The following ADGRL3 variants were observed in gnomAD, a reference collection of about 807,000 sequenced individuals.
The protein encoded by ADGRL3 is adhesion G protein-coupled receptor L3.
Under a neutral mutation model 153.5 loss-of-function variants are expected in ADGRL3, and 62 were observed. The ratio of observed to expected loss-of-function variants is 0.40; its 90% CI spans 0.33 to 0.50. The LOEUF (loss-of-function observed/expected upper bound fraction) is 0.50, where lower values mean the gene tolerates loss of function less well. Among genes scored for constraint, ADGRL3 ranks in the 20% least tolerant of loss-of-function variants. The pLI, the probability that ADGRL3 is intolerant of heterozygous loss-of-function variation, is 0.47. For synonymous variants in ADGRL3, 710 were observed against 672.5 expected, an observed-to-expected ratio of 1.06 and a Z score of -0.86; for missense variants, 1,641 against 1,859.4, an observed-to-expected ratio of 0.88 and a Z score of 2.16.
chr4:61,715,444 T>G (rs2096088504), intron 6 of ADGRL3, among the ~76,000 whole-genome samples: 1 of 152,208 alleles, frequency 6.6e-6, no homozygotes, highest in African/African-American at 2.4e-5. Context: ...GAATCATATT[T>G]AATTCCAAAA....
chr4:61,367,416 T>C (rs1341974372), intron 1 of ADGRL3, among the ~76,000 whole-genome samples: 1 of 143,096 alleles, frequency 7.0e-6, no homozygotes, highest in East Asian at 2.2e-4. Context: ...GTCCCCAGAG[T>C]GTGATATTCC....
intron 1 of ADGRL3, among the ~76,000 whole-genome samples, chr4:61,215,507 C>A (rs1284770932): frequency 6.7e-6 from 1 of 148,256 alleles, no homozygotes; most frequent in East Asian, 2.0e-4. Flanking sequence ...AGTTACATGG[C>A]AGTTTTGTAG....
intron 2 of ADGRL3, among the ~76,000 whole-genome samples, chr4:61,388,464 C>A (rs567149162): frequency 6.6e-5 from 10 of 152,306 alleles, no homozygotes; most frequent in South Asian, 2.1e-4. Flanking sequence ...GCAGTAACAT[C>A]ATTCTCACAG....
intron 1 of ADGRL3, among the ~76,000 whole-genome samples, chr4:61,327,038 A>G (rs2095479370): frequency 6.6e-6 from 1 of 151,950 alleles, no homozygotes. Context: ...TCCACCTTTT[A>G]ATATTGGAAA....
At chr4:61,749,758 T>C (rs917105047) in intron 8 of ADGRL3, among the ~76,000 whole-genome samples, 3 of 152,058 alleles carry the variant, frequency 2.0e-5, no homozygotes, top group Non-Finnish European at 4.4e-5. Flanking sequence ...TACCTAATGC[T>C]AAATGACGAG....
chr4:61,520,000 C>T (rs2098520284), intron 4 of ADGRL3, among the ~76,000 whole-genome samples: 1 of 152,174 alleles, frequency 6.6e-6, no homozygotes, highest in Admixed American at 6.5e-5. Flanking sequence ...GCCATAACAA[C>T]ATAACAAAAT....
At chr4:62,048,516 C>T (rs1226975891) in intron 25 of ADGRL3, among the ~76,000 whole-genome samples, 1 of 152,006 alleles carries the variant, frequency 6.6e-6, no homozygotes, top group African/African-American at 2.4e-5. Flanking sequence ...CCGCCTTGGC[C>T]TCCCAAAGTG....
intron 9 of ADGRL3, among the ~76,000 whole-genome samples, chr4:61,857,005 T>C (rs1332791480): frequency 3.4e-5 from 4 of 118,342 alleles, no homozygotes; most frequent in African/African-American, 1.4e-4. Context: ...TCTTTCTTTC[T>C]TTCTTTCTTT....
chr4:61,354,774 A>C (rs1206648492), intron 1 of ADGRL3, among the ~76,000 whole-genome samples: 1 of 152,152 alleles, frequency 6.6e-6, no homozygotes, highest in Non-Finnish European at 1.5e-5. Context: ...TCCAAGTCGT[A>C]TACATTTCAA....
chr4:62,037,664 A>C, intron 23 of ADGRL3, 67 bp from the exon 24 acceptor site: 1 of 1,539,248 alleles, frequency 6.5e-7, no homozygotes, highest in East Asian at 2.3e-5. Context: ...ACTCACATAC[A>C]TTGTCTACTT....
chr4:61,675,282 T>C (rs1345403327), intron 5 of ADGRL3, among the ~76,000 whole-genome samples: 1 of 151,894 alleles, frequency 6.6e-6, no homozygotes, highest in Non-Finnish European at 1.5e-5. Context: ...CCTTAAGGAA[T>C]TAACAGAAGA....
rs373888895 is a variant in ADGRL3, at chr4:61,362,326, TTA to T, written c.-239-20779_-239-20778del. On this transcript the variant is annotated intron_variant, in intron 1 of 26. Coordinates refer to ENST00000683033, the MANE Select transcript of ADGRL3 (RefSeq NM_001387552.1). ...CCTGATACGATCGAATATTTGAAAA[TTA>T]TATATATATATATATATACACACAC... Among the ~76,000 whole-genome samples, 544 of 144,406 alleles carry T rather than the reference TTA, an allele frequency of 3.8e-3. 1 individual carries two copies. Among genetic ancestry groups the T allele is most frequent in the Admixed American group, 5.5e-3 (79 of 14,302 alleles). 94.7% of individuals were successfully genotyped at this position (144,406 alleles called of 152,430 possible).
intron 6 of ADGRL3, among the ~76,000 whole-genome samples, chr4:61,709,957 A>G (rs923211199): frequency 2.0e-5 from 3 of 152,214 alleles, no homozygotes; most frequent in Admixed American, 6.5e-5. Flanking sequence ...TAGCCATGCT[A>G]TGTCTTAGAA....
chr4:61,878,223 C>T (rs935466399), intron 9 of ADGRL3, among the ~76,000 whole-genome samples: 1 of 152,118 alleles, frequency 6.6e-6, no homozygotes, highest in Non-Finnish European at 1.5e-5. Flanking sequence ...ACCATGTGAC[C>T]TCATTTTACC....
intron 19 of ADGRL3, among the ~76,000 whole-genome samples, chr4:61,984,816 C>T (rs2150893103): frequency 6.6e-6 from 1 of 152,102 alleles, no homozygotes; most frequent in African/African-American, 2.4e-5. Flanking sequence ...AAGCAGAAAT[C>T]AAATTGGAAG....
chr4:61,271,843 T>C (rs1257191351), intron 1 of ADGRL3, among the ~76,000 whole-genome samples: 1 of 152,028 alleles, frequency 6.6e-6, no homozygotes, highest in East Asian at 1.9e-4. Flanking sequence ...TCATAAATCT[T>C]CATTCTCTTT....
At chr4:61,422,113 G>A (rs1437379800) in intron 2 of ADGRL3, among the ~76,000 whole-genome samples, 1 of 152,156 alleles carries the variant, frequency 6.6e-6, no homozygotes, top group Non-Finnish European at 1.5e-5. Flanking sequence ...AACAAAGTGA[G>A]AGACTGCTTT....
intron 23 of ADGRL3, among the ~76,000 whole-genome samples, chr4:62,032,871 G>A (rs973406045): frequency 1.3e-5 from 2 of 151,454 alleles, no homozygotes; most frequent in African/African-American, 4.8e-5. Flanking sequence ...CTAAATGTAG[G>A]TTACAGAAAA....
At chr4:61,768,501 C>G (rs2097033165) in intron 8 of ADGRL3, among the ~76,000 whole-genome samples, 1 of 152,056 alleles carries the variant, frequency 6.6e-6, no homozygotes, top group South Asian at 2.1e-4. Context: ...AAAAGAATGC[C>G]TGGACTTCAG....
Sources: allele counts gnomAD v4.1 joint callset (sites outside exome capture counted in the v4.1 genomes callset), GRCh38; gene constraint gnomAD v4.1.1; transcripts MANE v1.5; gene names NCBI Gene and HGNC (gene_info 2026-07-23, HGNC 2026-07-21).